Variants in MCTP1 observed in about 807,000 individuals in gnomAD.
MCTP1 encodes multiple C2 and transmembrane domain-containing protein 1.
In MCTP1, 69 loss-of-function variants were observed where a neutral mutation model predicts 120.6. The ratio of observed to expected loss-of-function variants is 0.57; its 90% CI spans 0.47 to 0.70. The LOEUF is 0.70. Among genes scored for constraint, MCTP1 ranks in the 30% least tolerant of loss-of-function variants. The probability of loss-of-function intolerance (pLI) is 0.00; values close to 1 mark genes in which losing one functional copy is unlikely to be tolerated. For missense variants in MCTP1, 1,203 were observed against 1,248.8 expected, an observed-to-expected ratio of 0.96 and a Z score of 0.55; for synonymous variants, 529 against 493.1, an observed-to-expected ratio of 1.07 and a Z score of -0.96.
At chr5:95,174,861 C>T (rs1747777511) in intron 1 of MCTP1, among the ~76,000 whole-genome samples, 1 of 152,186 alleles carries the variant, frequency 6.6e-6, no homozygotes, top group African/African-American at 2.4e-5. Flanking sequence ...ATGTGTACAT[C>T]TTATTTGGTT....
chr5:95,115,528 A>T (rs1490761536), intron 1 of MCTP1, among the ~76,000 whole-genome samples: 1 of 152,044 alleles, frequency 6.6e-6, no homozygotes, highest in African/African-American at 2.4e-5. Flanking sequence ...AGCAGAATTG[A>T]TCAAGCAGAA....
At chr5:94,743,734 T>C (rs1580427608) in intron 19 of MCTP1, among the ~76,000 whole-genome samples, 1 of 147,108 alleles carries the variant, frequency 6.8e-6, no homozygotes, top group African/African-American at 2.5e-5. Flanking sequence ...GCCTTCCGGG[T>C]TCACGCCATT....
At chr5:95,233,050 GAATA>G (rs1476576183) in intron 1 of MCTP1, among the ~76,000 whole-genome samples, 1 of 152,150 alleles carries the variant, frequency 6.6e-6, no homozygotes, top group Non-Finnish European at 1.5e-5. Flanking sequence ...ATAATTGGTA[GAATA>G]AATAGACAGA....
intron 19 of MCTP1, among the ~76,000 whole-genome samples, chr5:94,736,492 T>A (rs1252840535): frequency 6.6e-6 from 1 of 151,924 alleles, no homozygotes; most frequent in African/African-American, 2.4e-5. Context: ...CAAAAAAAAA[T>A]TTTTTTGGGG....
chr5:95,181,785 C>A (rs894507340), intron 1 of MCTP1, among the ~76,000 whole-genome samples: 2 of 152,188 alleles, frequency 1.3e-5, no homozygotes, highest in Non-Finnish European at 2.9e-5. Flanking sequence ...CTTCAGTCCA[C>A]AAATCGCTAT....
rs1350386862 is a variant in MCTP1 at position 94,707,310 on chromosome 5, T to C, written c.*186A>G. ...AGCAGTAGCAAAACCTTTATCAAGTTGAGTCTGTACAATAGAAGTATATAT... is the reference window on the plus strand; with the variant it reads ...AGCAGTAGCAAAACCTTTATCAAGTCGAGTCTGTACAATAGAAGTATATAT... On this transcript the variant is annotated 3_prime_UTR_variant, in exon 23 of 23. Transcript: ENST00000515393. 1 of 513,912 alleles carries C rather than the reference T, an allele frequency of 1.9e-6. No individual in the cohort carries two copies. Among genetic ancestry groups the C allele is most frequent in the African/African-American group, 2.0e-5 (1 of 50,788 alleles). The allele number at this position is 513,912 out of a possible 1,614,324, so 31.8% of individuals were successfully genotyped here.
intron 17 of MCTP1, among the ~76,000 whole-genome samples, chr5:94,847,433 C>T (rs1004345890): frequency 4.4e-4 from 67 of 151,926 alleles, no homozygotes; most frequent in Admixed American, 2.0e-3. Flanking sequence ...CTACATCTCC[C>T]GAGAAAATGA....
At chr5:94,841,292 A>G (rs1687765608) in intron 17 of MCTP1, among the ~76,000 whole-genome samples, 1 of 152,200 alleles carries the variant, frequency 6.6e-6, no homozygotes, top group Non-Finnish European at 1.5e-5. Context: ...AAGGATAGCA[A>G]AGGTAACTTC....
chr5:94,948,913 T>C (rs1392253272), intron 3 of MCTP1, among the ~76,000 whole-genome samples: 1 of 152,158 alleles, frequency 6.6e-6, no homozygotes, highest in Non-Finnish European at 1.5e-5. Context: ...GACAGGACAG[T>C]AATATGGTCC....
intron 1 of MCTP1, among the ~76,000 whole-genome samples, chr5:95,228,149 C>T (rs1250545913): frequency 6.6e-6 from 1 of 151,956 alleles, no homozygotes; most frequent in Non-Finnish European, 1.5e-5. Flanking sequence ...GAAGAAAAGG[C>T]AAGATTTAAG....
chr5:95,135,967 G>A (rs1245727196), intron 1 of MCTP1, among the ~76,000 whole-genome samples: 3 of 152,050 alleles, frequency 2.0e-5, no homozygotes, highest in Non-Finnish European at 2.9e-5. Context: ...AGCCAACTCT[G>A]GCATCCACTT....
chr5:95,243,500 T>C (rs1363977384), intron 1 of MCTP1, among the ~76,000 whole-genome samples: 2 of 152,084 alleles, frequency 1.3e-5, no homozygotes, highest in East Asian at 1.9e-4. Context: ...ATAAGATAGG[T>C]AGGAGCCAGA....
At chr5:95,184,733 T>A (rs1026796494) in intron 1 of MCTP1, among the ~76,000 whole-genome samples, 3 of 152,190 alleles carry the variant, frequency 2.0e-5, no homozygotes, top group Non-Finnish European at 4.4e-5. Flanking sequence ...CTCCTGGGGA[T>A]AACATCACTA....
intron 17 of MCTP1, among the ~76,000 whole-genome samples, chr5:94,825,455 T>C (rs1786780518): frequency 6.6e-6 from 1 of 152,170 alleles, no homozygotes; most frequent in Non-Finnish European, 1.5e-5. Flanking sequence ...GGGTTTTGCT[T>C]CCAATTATGT....
chr5:95,044,265 T>C (rs778615295), intron 1 of MCTP1, among the ~76,000 whole-genome samples: 1 of 152,178 alleles, frequency 6.6e-6, no homozygotes, highest in Non-Finnish European at 1.5e-5. Context: ...ACCTATAAAA[T>C]CCAGCTGGCA....
At chr5:94,908,860 C>A (rs111591052) in intron 10 of MCTP1, among the ~76,000 whole-genome samples, 1 of 151,928 alleles carries the variant, frequency 6.6e-6, no homozygotes, top group Non-Finnish European at 1.5e-5. Flanking sequence ...CCTTGTAGGG[C>A]GTTGTAGAAA....
chr5:94,906,398 A>T (rs1282241658), intron 10 of MCTP1, among the ~76,000 whole-genome samples: 1 of 152,100 alleles, frequency 6.6e-6, no homozygotes, highest in Non-Finnish European at 1.5e-5. Flanking sequence ...AGGTGGGAGG[A>T]TCGCTTGAGC....
intron 7 of MCTP1, among the ~76,000 whole-genome samples, chr5:94,920,585 C>CA (rs1811348281): frequency 1.3e-5 from 2 of 151,580 alleles, no homozygotes; most frequent in Admixed American, 6.6e-5. Context: ...ACTAACAATA[C>CA]AAAAAAATCA....
chr5:94,772,536 G>C (rs1438607900), intron 19 of MCTP1, among the ~76,000 whole-genome samples: 1 of 152,114 alleles, frequency 6.6e-6, no homozygotes, highest in African/African-American at 2.4e-5. Flanking sequence ...CATCCTATCT[G>C]CTACCTTAAT....
Sources: allele counts gnomAD v4.1 joint callset (sites outside exome capture counted in the v4.1 genomes callset), GRCh38; gene constraint gnomAD v4.1.1; transcripts MANE v1.5; gene names NCBI Gene and HGNC (gene_info 2026-07-23, HGNC 2026-07-21).